Variants in DNASE1L3 observed in about 807,000 individuals in gnomAD.
DNASE1L3 encodes deoxyribonuclease 1L3.
A neutral mutation model predicts 30.9 loss-of-function variants in DNASE1L3; 27 were observed. The ratio of observed to expected loss-of-function variants is 0.87; its 90% CI spans 0.64 to 1.20. The LOEUF (loss-of-function observed/expected upper bound fraction) is 1.20. Ranked by LOEUF, DNASE1L3 falls within the 50% of genes most tolerant of loss-of-function variation. DNASE1L3 has a pLI of 0.00. For missense variants in DNASE1L3, 364 were observed against 378.2 expected (o/e 0.96, Z 0.31); for synonymous variants, 135 against 138.0 (o/e 0.98, Z 0.15).
intron 4 of DNASE1L3, among the ~76,000 whole-genome samples, chr3:58,203,376 G>A (rs1289499243): frequency 6.6e-6 from 1 of 152,186 alleles, no homozygotes; most frequent in Non-Finnish European, 1.5e-5. Context: ...CTGTATGGCT[G>A]ACTTCTTCAG....
At position 58,205,485 on chromosome 3, in the gene DNASE1L3, A is replaced by T. The variant is rs200875129; in HGVS notation, c.306T>A (p.Tyr102Ter). The T allele has an allele frequency of 1.2e-6, 2 of 1,613,832 alleles. No individual in the cohort carries two copies. Among genetic ancestry groups the T allele is most frequent in the Non-Finnish European group, 1.7e-6 (2 of 1,179,674 alleles). Residue 102 changes from tyrosine (Y) to a stop codon, truncating the protein, a stop_gained, in exon 3 of 8, where the codon TAT becomes TAA. Transcript: ENST00000394549. LOFTEE classifies it high-confidence loss of function. ...GTGATACTTACTTGTAGAGAAAGGC[A>T]TATTGTTCTTTATATGTGTTTCTTC... ...RLGRNTYKEQ[Y>*]AFLYKEKLVS...
intron 6 of DNASE1L3, among the ~76,000 whole-genome samples, chr3:58,194,353 C>T (rs1162976706): frequency 1.6e-5 from 2 of 123,612 alleles, no homozygotes; most frequent in East Asian, 2.5e-4. Context: ...CACAGTCATG[C>T]TCTGTCACCC....
At chr3:58,198,590 T>C (rs2097398772) in intron 5 of DNASE1L3, among the ~76,000 whole-genome samples, 1 of 152,212 alleles carries the variant, frequency 6.6e-6, no homozygotes, top group South Asian at 2.1e-4. Flanking sequence ...AGGATGTTCT[T>C]AACAGGAAGG....
Position 58,200,856 on chromosome 3 carries a change from A to T in DNASE1L3, c.546+141T>A. On this transcript the variant is annotated intron_variant, in intron 5 of 7. Transcript: ENST00000394549. The surrounding 1 kb of genome is among the most constrained non-coding windows in gnomAD (Gnocchi z 4.2). ...GCAAAAGGGATACTTAGGGCTGAAG[A>T]AAGGCCTTAAAGAATGCTGTAAGTG... The T allele has an allele frequency of 1.7e-6, 1 of 589,942 alleles. No individual in the cohort carries two copies. Among genetic ancestry groups the T allele is most frequent in the Non-Finnish European group, 2.9e-6 (1 of 343,452 alleles). 36.5% of individuals were successfully genotyped at this position (589,942 alleles called of 1,614,324 possible).
At chr3:58,205,262 A>G (rs1159505703) in intron 3 of DNASE1L3, among the ~76,000 whole-genome samples, 1 of 152,242 alleles carries the variant, frequency 6.6e-6, no homozygotes, top group East Asian at 1.9e-4. Flanking sequence ...CATGGAGCCA[A>G]CCAACAAATT....
rs372489901 is a variant in DNASE1L3 at position 58,208,362 on chromosome 3, C to T, written c.142-56G>A. The stretch of plus-strand genomic sequence containing the variant: ...GGTCATTTACCACAGATAAATAAAA[C>T]CTTTTATTGGACACTTACTGTTTTT... On this transcript the variant is annotated intron_variant, in intron 1 of 7. Transcript: ENST00000394549. The T allele has an allele frequency of 4.5e-6, 7 of 1,541,498 alleles. No individual in the cohort carries two copies. The South Asian group carries it at 5.6e-5, about 12-fold the overall frequency.
Position 58,192,788 on chromosome 3 carries a change from C to G in DNASE1L3, c.817G>C (p.Asp273His), listed in dbSNP as rs762324739. Residue 273 changes from aspartate (D) to histidine (H), a missense_variant, in exon 8 of 8, where the codon GAC becomes CAC. Physicochemically the swap from Asp to His is moderately conservative, Grantham distance 81 (BLOSUM62 -1). Coordinates refer to ENST00000394549, the MANE Select transcript of DNASE1L3 (RefSeq NM_004944.4). This position sits in a 1 kb window ranked among gnomAD's most constrained non-coding sequence, Gnocchi z 4.8. ...LTEEEALDVS[D>H]HFPVEFKLQS... ...AGTTTAAATTCAACTGGAAAGTGGTCGCTGACATCCAGGGCCTATAAGGAG... is the reference window on the plus strand; with the variant it reads ...AGTTTAAATTCAACTGGAAAGTGGTGGCTGACATCCAGGGCCTATAAGGAG... 6.2e-7 allele frequency: 1 copy of G among 1,613,582 alleles called. No homozygotes were observed. The highest frequency in any genetic ancestry group is 1.3e-5 in the African/African-American group (1 of 74,836).
chr3:58,206,646 G>A (rs2097404138), intron 2 of DNASE1L3, among the ~76,000 whole-genome samples: 2 of 152,126 alleles, frequency 1.3e-5, no homozygotes, highest in African/African-American at 4.8e-5. Context: ...CAAGACCACT[G>A]GTGGTGAAAA....
At position 58,205,648 on chromosome 3, in the gene DNASE1L3, G is replaced by GA. The variant is rs1023656372; in HGVS notation, c.231-89_231-88insT. 92 of 1,109,566 alleles carry GA rather than the reference G, an allele frequency of 8.3e-5. No homozygotes were observed. In the African/African-American group the frequency reaches 1.3e-3, roughly 16 times the overall value. The allele number at this position is 1,109,566 out of a possible 1,614,324, so 68.7% of individuals were successfully genotyped here. The stretch of plus-strand genomic sequence containing the variant: ...CTTTCTTTCCAATCTGCCTCCATAC[G>GA]CCCAATGGCATCATGTGGAAGGGCC... On this transcript the variant is annotated intron_variant, in intron 2 of 7. Transcript: ENST00000394549.
Position 58,197,842 on chromosome 3 carries a change from CTCT to C in DNASE1L3, c.680_682del (p.Lys227del). 6.2e-7 allele frequency: 1 copy of C among 1,614,100 alleles called. No individual in the cohort carries two copies. The highest frequency in any genetic ancestry group is 8.5e-7 in the Non-Finnish European group (1 of 1,180,040). ...CTACCTGTCATATGCACAGTTGGTG[CTCT>C]TCTTCACCGTGGTGTCCTCTTGGTC... On this transcript the variant is annotated inframe_deletion, in exon 6 of 8. Transcript: ENST00000394549. The surrounding 1 kb of genome is among the most constrained non-coding windows in gnomAD (Gnocchi z 5.3).
Position 58,210,794 on chromosome 3 carries a change from T to G in DNASE1L3, c.113A>C (p.Asp38Ala), listed in dbSNP as rs2097407258. 2 of 1,614,166 alleles carry G rather than the reference T, an allele frequency of 1.2e-6. No homozygotes were observed. Among genetic ancestry groups the G allele is most frequent in the Non-Finnish European group, 1.7e-6 (2 of 1,180,028 alleles). The stretch of plus-strand genomic sequence containing the variant: ...CACAATGACATCCATGGCATTCTTG[T>G]CTTCCTGCTTGCTTTCCCCAAAGGA... The part of the protein sequence containing the change: ...VRSFGESKQE[D>A]KNAMDVIVKV... The change falls in exon 1 of 8, where the codon GAC becomes GCC. Residue 38 changes from aspartate (D) to alanine (A), a missense_variant. Physicochemically the swap from Asp to Ala is moderately radical, Grantham distance 126 (BLOSUM62 -2). Coordinates refer to ENST00000394549, the MANE Select transcript of DNASE1L3 (RefSeq NM_004944.4).
intron 1 of DNASE1L3, 21 bp downstream of exon 1, chr3:58,210,745 C>A (rs1230986322): frequency 1.2e-6 from 2 of 1,613,838 alleles, no homozygotes; most frequent in East Asian, 2.2e-5. Context: ...CTGGGATCCT[C>A]CTCCCAGGAA....
At chr3:58,203,158 T>C (rs189212933) in intron 4 of DNASE1L3, among the ~76,000 whole-genome samples, 1 of 152,304 alleles carries the variant, frequency 6.6e-6, no homozygotes, top group East Asian at 1.9e-4. Context: ...GGGCGGTCAC[T>C]GCTCAAGTCA....
At chr3:58,206,091 T>C (rs191363115) in intron 2 of DNASE1L3, among the ~76,000 whole-genome samples, 2 of 152,328 alleles carry the variant, frequency 1.3e-5, no homozygotes. Context: ...TTACAAGCTT[T>C]GGGACCACGA....
At chr3:58,206,026 G>A (rs1362937006) in intron 2 of DNASE1L3, among the ~76,000 whole-genome samples, 1 of 152,194 alleles carries the variant, frequency 6.6e-6, no homozygotes, top group East Asian at 1.9e-4. Context: ...AACCACTCCT[G>A]AGCATTTATG....
intron 1 of DNASE1L3, among the ~76,000 whole-genome samples, chr3:58,209,992 G>A (rs376757510): frequency 6.6e-6 from 1 of 152,090 alleles, no homozygotes; most frequent in Admixed American, 6.6e-5. Flanking sequence ...CCGGACATTG[G>A]GTATATCACC....
chr3:58,194,725 A>G (rs2097396195), intron 6 of DNASE1L3, among the ~76,000 whole-genome samples: 1 of 146,876 alleles, frequency 6.8e-6, no homozygotes, highest in Non-Finnish European at 1.5e-5. Context: ...TCCTGGGTTC[A>G]TGCCATTCTC....
intron 5 of DNASE1L3, among the ~76,000 whole-genome samples, chr3:58,198,663 TA>T (rs1166956461): frequency 6.6e-6 from 1 of 152,108 alleles, no homozygotes; most frequent in Admixed American, 6.5e-5. Context: ...CAGGTGTGGA[TA>T]AAAAAAATTT....
chr3:58,203,219 G>A (rs758484524), intron 4 of DNASE1L3, among the ~76,000 whole-genome samples: 9 of 152,156 alleles, frequency 5.9e-5, no homozygotes, highest in Non-Finnish European at 1.0e-4. Context: ...AGGGCCCCAC[G>A]TGTCCTCATT....
Sources: gnomAD v4.1 joint callset for allele counts (sites outside exome capture counted in the v4.1 genomes callset) on GRCh38, gnomAD v4.1.1 for gene constraint, Gnocchi (gnomAD v3.1) non-coding constraint, MANE v1.5 for transcripts, NCBI Gene and HGNC (gene_info 2026-07-23, HGNC 2026-07-21) for gene names.